Variants in LRRTM4 observed in about 807,000 individuals in gnomAD.
LRRTM4 encodes the protein leucine rich repeat transmembrane neuronal 4.
A neutral mutation model predicts 47.6 loss-of-function variants in LRRTM4; 25 were observed. The observed-to-expected ratio is 0.53, with a 90% CI of 0.38 to 0.73. LRRTM4 has a LOEUF of 0.73. LRRTM4 is among the 30% of genes least tolerant of loss of function. The probability of loss-of-function intolerance (pLI) is 0.00; values close to 1 mark genes in which losing one functional copy is unlikely to be tolerated. For synonymous variants in LRRTM4, 311 were observed against 269.5 expected, an observed-to-expected ratio of 1.15 and a Z score of -1.51; for missense variants, 638 against 713.4, an observed-to-expected ratio of 0.89 and a Z score of 1.20.
In LRRTM4 at chr2:77,024,945, A is replaced by G. The variant is rs548519070; in HGVS notation, c.1552-276029T>C. ...AATATTTCCAATAGTCAACAATTTG[A>G]GAAATTATTAGTTTTTTGTTTCAAA... On this transcript the variant is annotated intron_variant, in intron 3 of 3. Coordinates refer to ENST00000409884, the MANE Select transcript of LRRTM4 (RefSeq NM_001134745.3). Among the ~76,000 whole-genome samples the G allele has an allele frequency of 2.0e-5, 3 of 152,282 alleles. No individual in the cohort carries two copies. The South Asian group carries it at 6.2e-4, about 32-fold the overall frequency.
At chr2:77,030,667 CAATTT>C (rs556691646) in intron 3 of LRRTM4, among the ~76,000 whole-genome samples, 224 of 152,138 alleles carry the variant, frequency 1.5e-3, no homozygotes, top group African/African-American at 5.1e-3. Flanking sequence ...TGATAAAGAA[CAATTT>C]AATTCTTTAT....
chr2:76,905,278 C>T (rs982356738), intron 3 of LRRTM4, among the ~76,000 whole-genome samples: 15 of 152,118 alleles, frequency 9.9e-5, no homozygotes, highest in Admixed American at 2.0e-4. Flanking sequence ...AACAGACCTG[C>T]GGCTGAGGGT....
chr2:76,921,923 C>G (rs1054774271), intron 3 of LRRTM4, among the ~76,000 whole-genome samples: 3 of 152,006 alleles, frequency 2.0e-5, no homozygotes, highest in Non-Finnish European at 4.4e-5. Flanking sequence ...GAAATAAAAT[C>G]ACTATCTGAA....
chr2:77,030,470 G>T (rs1462290002), intron 3 of LRRTM4, among the ~76,000 whole-genome samples: 3 of 151,918 alleles, frequency 2.0e-5, no homozygotes, highest in Non-Finnish European at 4.4e-5. Flanking sequence ...ACAGTAAGTC[G>T]GTGTGTTTTC....
At chr2:77,467,735 C>T (rs1677033601) in intron 3 of LRRTM4, among the ~76,000 whole-genome samples, 1 of 152,088 alleles carries the variant, frequency 6.6e-6, no homozygotes, top group African/African-American at 2.4e-5. Context: ...TTTTAAAAAT[C>T]ATACATTTAT....
intron 3 of LRRTM4, among the ~76,000 whole-genome samples, chr2:77,245,825 A>T (rs188929707): frequency 6.6e-6 from 1 of 152,312 alleles, no homozygotes; most frequent in African/African-American, 2.4e-5. Flanking sequence ...ATTTGTAGAG[A>T]TGCAATTTTA....
intron 3 of LRRTM4, among the ~76,000 whole-genome samples, chr2:76,816,833 T>G (rs36099394): frequency 8.8e-4 from 29 of 33,126 alleles, no homozygotes; most frequent in African/African-American, 7.5e-3. Context: ...TTTTTTTTTT[T>G]TTTTTTTTTT....
At chr2:77,426,528 T>C (rs944991260) in intron 3 of LRRTM4, among the ~76,000 whole-genome samples, 1 of 152,146 alleles carries the variant, frequency 6.6e-6, no homozygotes, top group Non-Finnish European at 1.5e-5. Context: ...TCATCTTGAA[T>C]TGTAGTTCCC....
At chr2:76,815,821 C>T (rs770000801) in intron 3 of LRRTM4, among the ~76,000 whole-genome samples, 13 of 152,014 alleles carry the variant, frequency 8.6e-5, no homozygotes, top group Non-Finnish European at 1.8e-4. Flanking sequence ...TAAAGGAATA[C>T]AAATATAGAG....
intron 3 of LRRTM4, among the ~76,000 whole-genome samples, chr2:76,884,201 T>A (rs1673007974): frequency 6.6e-6 from 1 of 151,732 alleles, no homozygotes; most frequent in Non-Finnish European, 1.5e-5. Context: ...TCTCATTGAA[T>A]TTTCACAAAA....
intron 3 of LRRTM4, among the ~76,000 whole-genome samples, chr2:77,090,519 G>GA (rs1347924491): frequency 1.3e-5 from 2 of 151,870 alleles, no homozygotes; most frequent in East Asian, 3.9e-4. Context: ...TGCAATAATA[G>GA]AAAAAAGTTA....
At chr2:76,750,861 C>G (rs934488634) in intron 3 of LRRTM4, among the ~76,000 whole-genome samples, 2 of 152,100 alleles carry the variant, frequency 1.3e-5, no homozygotes, top group Non-Finnish European at 1.5e-5. Context: ...GGAAAGTCAC[C>G]TCCTCACAGT....
chr2:77,025,451 G>T lies in LRRTM4; in HGVS notation c.1552-276535C>A, dbSNP rs563961808. On this transcript the variant is annotated intron_variant, in intron 3 of 3. Coordinates refer to ENST00000409884, the MANE Select transcript of LRRTM4 (RefSeq NM_001134745.3). ...GTCCCTGCTCCCTGGTGGGTGGGTGGGCATTAACCTCTTCTGGTTTCCTGC... is the reference window on the plus strand; with the variant it reads ...GTCCCTGCTCCCTGGTGGGTGGGTGTGCATTAACCTCTTCTGGTTTCCTGC... Among the ~76,000 whole-genome samples, 7 of 152,114 alleles carry T rather than the reference G, an allele frequency of 4.6e-5. No individual in the cohort carries two copies. The East Asian group carries it at 1.4e-3, about 29-fold the overall frequency.
intron 3 of LRRTM4, among the ~76,000 whole-genome samples, chr2:76,859,255 A>T (rs2104001687): frequency 6.6e-6 from 1 of 152,210 alleles, no homozygotes; most frequent in South Asian, 2.1e-4. Context: ...TTTGTCATTT[A>T]CTGTTTCTTT....
chr2:77,242,174 A>T (rs576913081), intron 3 of LRRTM4, among the ~76,000 whole-genome samples: 1 of 152,126 alleles, frequency 6.6e-6, no homozygotes, highest in African/African-American at 2.4e-5. Flanking sequence ...TTTCTGTAAA[A>T]CAAAATCATT....
At chr2:76,882,109 C>G (rs10193219) in intron 3 of LRRTM4, among the ~76,000 whole-genome samples, 11,983 of 151,974 alleles carry the variant, frequency 0.079, 1,118 homozygotes, top group African/African-American at 0.22. Flanking sequence ...AACTTCCGTT[C>G]AGAAGTTCAT....
At chr2:77,495,433 G>A (rs1029001318) in intron 3 of LRRTM4, among the ~76,000 whole-genome samples, 2 of 151,864 alleles carry the variant, frequency 1.3e-5, no homozygotes, top group African/African-American at 2.4e-5. Context: ...GTTTTATGCC[G>A]CAAACTTCTG....
chr2:77,139,361 G>A (rs13424833), intron 3 of LRRTM4, among the ~76,000 whole-genome samples: 33,146 of 152,014 alleles, frequency 0.22, 3,905 homozygotes, highest in Non-Finnish European at 0.26. Flanking sequence ...TCAACAGAAC[G>A]AAAGACAAAA....
chr2:77,337,456 C>T (rs1422959364), intron 3 of LRRTM4, among the ~76,000 whole-genome samples: 1 of 152,014 alleles, frequency 6.6e-6, no homozygotes, highest in Non-Finnish European at 1.5e-5. Context: ...GAATTGTAAT[C>T]CCAATAATCT....
Sources: allele counts gnomAD v4.1 joint callset (sites outside exome capture counted in the v4.1 genomes callset), GRCh38; gene constraint gnomAD v4.1.1; transcripts MANE v1.5; gene names NCBI Gene and HGNC (gene_info 2026-07-23, HGNC 2026-07-21).